Variants in GALNT17 observed in about 807,000 individuals in gnomAD.
The protein encoded by GALNT17 is UDP-GalNAc:polypeptide N-acetylgalactosaminyltransferase-like 3.
Under a neutral mutation model 63.7 loss-of-function variants are expected in GALNT17, and 29 were observed. The observed-to-expected ratio is 0.46, with a 90% CI of 0.34 to 0.62. The LOEUF (loss-of-function observed/expected upper bound fraction) is 0.62, where lower values mean the gene tolerates loss of function less well. Among genes scored for constraint, GALNT17 ranks in the 20% least tolerant of loss-of-function variants. The pLI, the probability that GALNT17 is intolerant of heterozygous loss-of-function variation, is 0.01. For missense variants in GALNT17, 603 were observed against 799.6 expected, an observed-to-expected ratio of 0.75 and a Z score of 2.97; for synonymous variants, 305 against 318.3, an observed-to-expected ratio of 0.96 and a Z score of 0.45.
chr7:71,534,527 A>T (rs1190552118), intron 5 of GALNT17, among the ~76,000 whole-genome samples: 1 of 148,780 alleles, frequency 6.7e-6, no homozygotes, highest in African/African-American at 2.5e-5. Flanking sequence ...TGAACCCAGG[A>T]GGCAGAATTT....
chr7:71,407,737 G>A (rs957851951), intron 3 of GALNT17, among the ~76,000 whole-genome samples: 4 of 152,144 alleles, frequency 2.6e-5, no homozygotes, highest in African/African-American at 9.7e-5. Flanking sequence ...AACAGAATGA[G>A]ACCCTCTCTC....
rs752712277 is a variant in GALNT17, at chr7:71,388,254, T to C, written c.442T>C (p.Ser148Pro). The stretch of plus-strand genomic sequence containing the variant: ...CCCCAGGTGTAAGGAGCTCAAGTAC[T>C]CCAAGGACCTGCCCCAGATATCCAT... The part of the protein sequence containing the change: ...RPTKCKELKY[S>P]KDLPQISIIF... Residue 148 changes from serine (S) to proline (P), a missense_variant, in exon 3 of 11, where the codon TCC (serine) becomes CCC (proline). Physicochemically the swap from Ser to Pro is moderately conservative, Grantham distance 74. Around this residue, in one of 3 missense-constraint regions of GALNT17, gnomAD observed 195 missense variants for 215.0 expected, o/e 0.91. Transcript: ENST00000333538. The C allele has an allele frequency of 5.6e-6, 9 of 1,613,706 alleles. No individual in the cohort carries two copies. Among genetic ancestry groups the C allele is most frequent in the Non-Finnish European group, 2.5e-6 (3 of 1,179,916 alleles).
chr7:71,332,376 A>G (rs1333878627), intron 1 of GALNT17, among the ~76,000 whole-genome samples: 1 of 152,104 alleles, frequency 6.6e-6, no homozygotes, highest in African/African-American at 2.4e-5. Context: ...AGAACCCAAA[A>G]TCTCATATCC....
chr7:71,563,068 G>A (rs1342289737), intron 5 of GALNT17, among the ~76,000 whole-genome samples: 1 of 152,188 alleles, frequency 6.6e-6, no homozygotes, highest in Non-Finnish European at 1.5e-5. Flanking sequence ...GAACTGTTGT[G>A]TGTGTTGCAT....
intron 5 of GALNT17, among the ~76,000 whole-genome samples, chr7:71,496,072 G>A (rs1012749268): frequency 4.6e-5 from 7 of 152,200 alleles, no homozygotes; most frequent in African/African-American, 1.7e-4. Context: ...AGAAAGCACT[G>A]GGAACCCATG....
intron 3 of GALNT17, among the ~76,000 whole-genome samples, chr7:71,388,666 A>G (rs529730118): frequency 1.7e-3 from 254 of 151,318 alleles, no homozygotes; most frequent in Middle Eastern, 3.4e-3. Context: ...AGCTGGGATT[A>G]CAGGCACCCG....
chr7:71,416,016 G>C lies in GALNT17; in HGVS notation c.717G>C (p.Gly239=), dbSNP rs780064106. ...TTGAGGGCTGGAAGGTGGCTACCGG[G>C]CAGGTCACTGGCTTCTTTGATGCCC... ...ARIEGWKVAT[G]QVTGFFDAHV... is the part of the protein sequence containing the mutation. The change falls in exon 4 of 11, where the codon GGG becomes GGC. Residue 239 remains glycine (G), a synonymous_variant. Coordinates refer to ENST00000333538, the MANE Select transcript of GALNT17 (RefSeq NM_022479.3). 1.2e-6 allele frequency: 2 copies of C among 1,613,426 alleles called. No homozygotes were observed. The highest frequency in any genetic ancestry group is 2.2e-5 in the East Asian group (1 of 44,848).
intron 5 of GALNT17, among the ~76,000 whole-genome samples, chr7:71,479,701 C>T (rs1043399498): frequency 1.3e-5 from 2 of 152,110 alleles, no homozygotes; most frequent in Non-Finnish European, 2.9e-5. Flanking sequence ...TGGCATCAAG[C>T]TCCTTCCTCC....
At chr7:71,415,558 G>A (rs1793508824) in intron 3 of GALNT17, among the ~76,000 whole-genome samples, 1 of 152,156 alleles carries the variant, frequency 6.6e-6, no homozygotes, top group Admixed American at 6.5e-5. Flanking sequence ...ACCGGACAAG[G>A]ATTCTGGCCA....
intron 5 of GALNT17, among the ~76,000 whole-genome samples, chr7:71,502,578 A>G (rs889541625): frequency 6.6e-6 from 1 of 152,192 alleles, no homozygotes; most frequent in Non-Finnish European, 1.5e-5. Context: ...CAAAGCCACC[A>G]TGCTGGGAAG....
At chr7:71,326,630 A>G (rs772835909) in intron 1 of GALNT17, among the ~76,000 whole-genome samples, 1 of 152,204 alleles carries the variant, frequency 6.6e-6, no homozygotes, top group Admixed American at 6.5e-5. Flanking sequence ...ATTCCTAGGT[A>G]TACTGTAATA....
At chr7:71,539,758 G>A (rs922987222) in intron 5 of GALNT17, among the ~76,000 whole-genome samples, 1 of 117,734 alleles carries the variant, frequency 8.5e-6, no homozygotes, top group African/African-American at 3.4e-5. Flanking sequence ...TTTGTTGCCT[G>A]GGCGCATGAT....
chr7:71,450,978 T>C lies in GALNT17; in HGVS notation c.962+29873T>C, dbSNP rs1787252295. ...TAAGTTCTAGGGTACATGTGCACAA[T>C]GTGCAGGTTTGCTACATATGTATAC... On this transcript the variant is annotated intron_variant, in intron 5 of 10. Coordinates refer to ENST00000333538, the MANE Select transcript of GALNT17 (RefSeq NM_022479.3). 1.3e-5 allele frequency among the ~76,000 whole-genome samples: 2 copies of C among 151,092 alleles called. 1 individual carries two copies. Among genetic ancestry groups the C allele is most frequent in the South Asian group, 4.3e-4 (2 of 4,660 alleles).
intron 3 of GALNT17, among the ~76,000 whole-genome samples, chr7:71,401,545 A>T (rs1398064934): frequency 6.6e-6 from 1 of 152,144 alleles, no homozygotes; most frequent in African/African-American, 2.4e-5. Flanking sequence ...AGGAGGTGAG[A>T]GGCGGGTGAG....
chr7:71,674,638 C>T (rs1045966257), intron 8 of GALNT17, among the ~76,000 whole-genome samples: 1 of 152,138 alleles, frequency 6.6e-6, no homozygotes, highest in Non-Finnish European at 1.5e-5. Flanking sequence ...ACCTCAGACT[C>T]CTGAGTAGCT....
chr7:71,665,608 C>G lies in GALNT17; in HGVS notation c.1266+12C>G. On this transcript the variant is annotated intron_variant, in intron 7 of 10. Coordinates refer to ENST00000333538, the MANE Select transcript of GALNT17 (RefSeq NM_022479.3). The stretch of plus-strand genomic sequence containing the variant: ...ACCTGCCGCTGGAGGTAGGGATCAC[C>G]AGCCTTTCCCCACCACCCCAGTACA... The G allele has an allele frequency of 6.2e-7, 1 of 1,610,872 alleles. No individual in the cohort carries two copies. Among genetic ancestry groups the G allele is most frequent in the Non-Finnish European group, 8.5e-7 (1 of 1,179,012 alleles).
At chr7:71,645,438 C>T (rs1790661432) in intron 6 of GALNT17, among the ~76,000 whole-genome samples, 1 of 152,190 alleles carries the variant, frequency 6.6e-6, no homozygotes, top group African/African-American at 2.4e-5. Flanking sequence ...CACACCCTCT[C>T]TCTCTCCTGC....
At chr7:71,226,053 C>T (rs1789673930) in intron 1 of GALNT17, among the ~76,000 whole-genome samples, 1 of 152,088 alleles carries the variant, frequency 6.6e-6, no homozygotes, top group African/African-American at 2.4e-5. Flanking sequence ...CTTTTGATGA[C>T]TTGCTGTTTT....
chr7:71,551,888 G>A (rs532079702), intron 5 of GALNT17, among the ~76,000 whole-genome samples: 1 of 152,264 alleles, frequency 6.6e-6, no homozygotes, highest in South Asian at 2.1e-4. Context: ...GAGCACAGGA[G>A]TGCTCACAGC....
Sources: allele counts gnomAD v4.1 joint callset (sites outside exome capture counted in the v4.1 genomes callset), GRCh38; gene constraint gnomAD v4.1.1; regional missense constraint gnomAD v4.1.1; transcripts MANE v1.5; gene names NCBI Gene and HGNC (gene_info 2026-07-23, HGNC 2026-07-21).